VPS33A: variants seen among roughly 807,000 people sequenced by gnomAD.
VPS33A encodes VPS33A core subunit of CORVET and HOPS complexes.
VPS33A carries 32 observed loss-of-function variants against 71.8 expected under a neutral mutation model. The observed-to-expected ratio is 0.45, with a 90% CI of 0.34 to 0.60. The LOEUF is 0.60. VPS33A is among the 20% of genes least tolerant of loss of function. The pLI, the probability that VPS33A is intolerant of heterozygous loss-of-function variation, is 0.02. For synonymous variants in VPS33A, 311 were observed against 292.7 expected, an observed-to-expected ratio of 1.06 and a Z score of -0.64; for missense variants, 625 against 748.5, an observed-to-expected ratio of 0.84 and a Z score of 1.92.
At chr12:122,234,506 G>T (rs530266563) in intron 11 of VPS33A, among the ~76,000 whole-genome samples, 41 of 152,216 alleles carry the variant, frequency 2.7e-4, no homozygotes, top group African/African-American at 9.9e-4. Flanking sequence ...TGGCCAGGCT[G>T]GTCTTGAACT....
At position 122,251,930 on chromosome 12, in the gene VPS33A, A is replaced by G. The variant is rs574018796; in HGVS notation, c.484-831T>C. ...CTAGAACTTAAAGTATAAAAAAAAAAAAAAGAAAAAAGAATCTCCAAAATA... is the reference window on the plus strand; with the variant it reads ...CTAGAACTTAAAGTATAAAAAAAAAGAAAAGAAAAAAGAATCTCCAAAATA... On this transcript the variant is annotated intron_variant, in intron 4 of 12. Transcript: ENST00000267199. Among the ~76,000 whole-genome samples the G allele has an allele frequency of 3.3e-5, 5 of 151,936 alleles. No individual in the cohort carries two copies. The South Asian group carries it at 1.0e-3, about 32-fold the overall frequency.
chr12:122,255,764 C>T (rs893678342), intron 4 of VPS33A, among the ~76,000 whole-genome samples: 3 of 146,452 alleles, frequency 2.0e-5, no homozygotes, highest in Non-Finnish European at 1.5e-5. Context: ...TAGGATTAGT[C>T]GGTGGTGCCA....
intron 11 of VPS33A, among the ~76,000 whole-genome samples, chr12:122,233,393 T>C (rs957021273): frequency 2.0e-5 from 3 of 152,010 alleles, no homozygotes; most frequent in South Asian, 2.1e-4. Context: ...TCCTGGCTCA[T>C]TGTTGTATTT....
At chr12:122,260,284 GTTTT>G (rs879771128) in intron 4 of VPS33A, among the ~76,000 whole-genome samples, 5 of 146,030 alleles carry the variant, frequency 3.4e-5, no homozygotes, top group Admixed American at 2.1e-4. Flanking sequence ...GGCATTGTGA[GTTTT>G]TTTTTTTGTT....
rs142748702 is a variant in VPS33A at position 122,259,806 on chromosome 12, G to T, written c.483+1455C>A. ...GAATTTCATTTCTAAAAAATCTCCAGAATAAGTTCAAAACCAGCCTGGACA... is the reference window on the plus strand; with the variant it reads ...GAATTTCATTTCTAAAAAATCTCCATAATAAGTTCAAAACCAGCCTGGACA... On this transcript the variant is annotated intron_variant, in intron 4 of 12. Transcript: ENST00000267199. 2.6e-3 allele frequency among the ~76,000 whole-genome samples: 391 copies of T among 151,470 alleles called. 4 individuals carry two copies. Among genetic ancestry groups the T allele is most frequent in the African/African-American group, 9.2e-3 (378 of 41,224 alleles).
At chr12:122,254,713 C>T (rs1006133188) in intron 4 of VPS33A, among the ~76,000 whole-genome samples, 1 of 152,104 alleles carries the variant, frequency 6.6e-6, no homozygotes, top group African/African-American at 2.4e-5. Flanking sequence ...GCCAAAACAG[C>T]ATCTTAGGTG....
intron 9 of VPS33A, among the ~76,000 whole-genome samples, chr12:122,239,530 C>G (rs556319680): frequency 2.2e-4 from 33 of 152,074 alleles, no homozygotes; most frequent in Admixed American, 9.8e-4. Context: ...GGTCGGAGAT[C>G]GAGACCATCC....
At position 122,229,631 on chromosome 12, in the gene VPS33A, C is replaced by A. The variant is rs1269270066; in HGVS notation, c.*2615G>T. 6.6e-6 allele frequency: 1 copy of A among 152,062 alleles called. No individual in the cohort carries two copies. Among genetic ancestry groups the A allele is most frequent in the Non-Finnish European group, 1.5e-5 (1 of 67,996 alleles). The allele number at this position is 152,062 out of a possible 1,614,324, so 9.4% of individuals were successfully genotyped here. The stretch of plus-strand genomic sequence containing the variant: ...ACTGTCTACCCAACTAGACAAAAGT[C>A]CAGACATGATGTAAACAATCCACTC... On this transcript the variant is annotated 3_prime_UTR_variant, in exon 13 of 13. Transcript: ENST00000267199.
intron 4 of VPS33A, among the ~76,000 whole-genome samples, chr12:122,260,752 G>A (rs1288050066): frequency 6.6e-6 from 1 of 152,100 alleles, no homozygotes; most frequent in African/African-American, 2.4e-5. Flanking sequence ...TTGGGAGGCG[G>A]AGGCGGGCGG....
chr12:122,262,034 T>C (rs1036362199), intron 3 of VPS33A, among the ~76,000 whole-genome samples: 2 of 149,416 alleles, frequency 1.3e-5, no homozygotes, highest in Non-Finnish European at 3.0e-5. Flanking sequence ...AACAAAAATA[T>C]ACAAAAATCA....
At chr12:122,262,799 C>T (rs1955014257) in intron 3 of VPS33A, among the ~76,000 whole-genome samples, 1 of 151,888 alleles carries the variant, frequency 6.6e-6, no homozygotes, top group Admixed American at 6.6e-5. Flanking sequence ...CAACTGCTGA[C>T]AACAACTTCC....
chr12:122,235,990 G>A, intron 10 of VPS33A, 67 bp from the exon 11 acceptor site: 1 of 1,542,742 alleles, frequency 6.5e-7, no homozygotes. Context: ...TTCAAAGAAG[G>A]GCACTTCCAA....
intron 3 of VPS33A, among the ~76,000 whole-genome samples, chr12:122,263,275 G>A (rs373008224): frequency 2.0e-5 from 3 of 152,092 alleles, no homozygotes; most frequent in East Asian, 3.8e-4. Flanking sequence ...TTACAAGTGT[G>A]AGCCACCATG....
chr12:122,240,078 A>C, intron 8 of VPS33A, 133 bp from the exon 9 acceptor site: 2 of 672,452 alleles, frequency 3.0e-6, no homozygotes, highest in Non-Finnish European at 2.6e-6. Context: ...CTGTAATCTC[A>C]GCACTGTAGG....
At chr12:122,243,364 A>G (rs1240386378) in intron 7 of VPS33A, among the ~76,000 whole-genome samples, 2 of 151,794 alleles carry the variant, frequency 1.3e-5, no homozygotes, top group Non-Finnish European at 2.9e-5. Context: ...CCTCCCAAGG[A>G]GCTGGGATTA....
intron 6 of VPS33A, chr12:122,248,885 T>C (rs1954809252): frequency 6.6e-6 from 1 of 152,246 alleles, no homozygotes. Flanking sequence ...ACTAAAATTC[T>C]GGCCAACTCT....
chr12:122,242,343 T>C, intron 8 of VPS33A, 39 bp downstream of exon 8: 1 of 1,596,676 alleles, frequency 6.3e-7, no homozygotes, highest in Non-Finnish European at 8.6e-7. Context: ...TATGTGCAAG[T>C]AGCCCCAGAC....
chr12:122,252,078 TGA>T (rs1215328869), intron 4 of VPS33A, among the ~76,000 whole-genome samples: 2 of 151,756 alleles, frequency 1.3e-5, no homozygotes, highest in African/African-American at 4.8e-5. Context: ...GGCAACATAG[TGA>T]GACCCTGTAT....
chr12:122,247,174 T>C (rs1442913832), intron 6 of VPS33A, among the ~76,000 whole-genome samples: 1 of 151,976 alleles, frequency 6.6e-6, no homozygotes, highest in Non-Finnish European at 1.5e-5. Flanking sequence ...CCAATTTTTT[T>C]CCTAATCAAT....
Sources: gnomAD v4.1 joint callset for allele counts (sites outside exome capture counted in the v4.1 genomes callset) on GRCh38, gnomAD v4.1.1 for gene constraint, MANE v1.5 for transcripts, NCBI Gene and HGNC (gene_info 2026-07-23, HGNC 2026-07-21) for gene names.